Variants in SLC26A7 observed in about 807,000 individuals in gnomAD.
The protein encoded by SLC26A7 is anion exchange transporter.
SLC26A7 carries 59 observed loss-of-function variants against 82.5 expected under a neutral mutation model. The ratio of observed to expected loss-of-function variants is 0.72; its 90% CI spans 0.58 to 0.89. The LOEUF is 0.89. Ranked by LOEUF, SLC26A7 falls within the 40% of genes least tolerant of loss-of-function variation. The pLI, the probability that SLC26A7 is intolerant of heterozygous loss-of-function variation, is 0.00. For synonymous variants in SLC26A7, 271 were observed against 274.3 expected (o/e 0.99, Z 0.12); for missense variants, 820 against 793.0 (o/e 1.03, Z -0.41).
chr8:91,278,396 T>A (rs1811464371), intron 2 of SLC26A7, among the ~76,000 whole-genome samples: 1 of 152,320 alleles, frequency 6.6e-6, no homozygotes, highest in Non-Finnish European at 1.5e-5. Context: ...TAGAAAATGT[T>A]ACACAAATCA....
intron 2 of SLC26A7, among the ~76,000 whole-genome samples, chr8:91,228,356 A>G (rs1213619773): frequency 2.0e-5 from 3 of 152,240 alleles, no homozygotes; most frequent in Non-Finnish European, 4.4e-5. Flanking sequence ...GCGGAAGGCA[A>G]AGGATATATA....
intron 11 of SLC26A7, among the ~76,000 whole-genome samples, chr8:91,355,119 T>G (rs372572747): frequency 3.3e-5 from 5 of 152,226 alleles, no homozygotes; most frequent in African/African-American, 1.2e-4. Context: ...TCTTTAGGCA[T>G]TGAGGGGTAA....
At position 91,295,674 on chromosome 8, in the gene SLC26A7, G is replaced by T; in HGVS notation, c.448G>T (p.Ala150Ser). 1 of 1,614,052 alleles carries T rather than the reference G, an allele frequency of 6.2e-7. No homozygotes were observed. Among genetic ancestry groups the T allele is most frequent in the East Asian group, 2.2e-5 (1 of 44,882 alleles). ...AATGCAAAGGATCCACGTTGCTGCA[G>T]CAGTTTCCTTCTTGGGAGGTGTGAT... is the stretch of plus-strand genomic sequence containing the variant. ...FEMQRIHVAAAVSFLGGVIQV... is the reference protein window; with the variant it reads ...FEMQRIHVAASVSFLGGVIQV... Residue 150 changes from alanine (A) to serine (S), a missense_variant, in exon 4 of 19, where the codon GCA (alanine) becomes TCA (serine). Coordinates refer to ENST00000276609, the MANE Select transcript of SLC26A7 (RefSeq NM_052832.4).
intron 2 of SLC26A7, among the ~76,000 whole-genome samples, chr8:91,258,113 ATGGGGATTACAATTAAGGTGAGATTT>A (rs1290938481): frequency 6.6e-6 from 1 of 152,060 alleles, no homozygotes. Flanking sequence ...CATGGGGATT[ATGGGGATTACAATTAAGGTGAGATTT>A]TGGGGGGTCA....
intron 1 of SLC26A7, among the ~76,000 whole-genome samples, chr8:91,213,086 G>A (rs1216568281): frequency 6.6e-6 from 1 of 152,024 alleles, no homozygotes; most frequent in African/African-American, 2.4e-5. Context: ...GTTTTCTGAA[G>A]CTGTGTATCA....
chr8:91,376,369 T>G (rs367555456), intron 15 of SLC26A7, among the ~76,000 whole-genome samples: 11 of 152,206 alleles, frequency 7.2e-5, no homozygotes, highest in African/African-American at 1.9e-4. Flanking sequence ...TTGAATTTTA[T>G]ATAATTTGGA....
intron 15 of SLC26A7, among the ~76,000 whole-genome samples, chr8:91,385,939 C>T (rs1814787736): frequency 6.6e-6 from 1 of 152,146 alleles, no homozygotes; most frequent in African/African-American, 2.4e-5. Context: ...CTCTAAGTAA[C>T]ATATACACAG....
At chr8:91,230,502 C>G (rs1810297103) in intron 2 of SLC26A7, among the ~76,000 whole-genome samples, 1 of 152,212 alleles carries the variant, frequency 6.6e-6, no homozygotes, top group African/African-American at 2.4e-5. Flanking sequence ...AAAACAGTTT[C>G]TCCCAGATGG....
At chr8:91,221,978 A>C (rs537226543) in intron 2 of SLC26A7, among the ~76,000 whole-genome samples, 1 of 152,224 alleles carries the variant, frequency 6.6e-6, no homozygotes, top group Non-Finnish European at 1.5e-5. Context: ...GGCCATTTTC[A>C]TGATATTGAT....
At chr8:91,279,125 G>GTGTATATATATA (rs1382744780) in intron 2 of SLC26A7, among the ~76,000 whole-genome samples, 2 of 111,292 alleles carry the variant, frequency 1.8e-5, no homozygotes, top group African/African-American at 7.1e-5. Context: ...GTGTGTGTGT[G>GTGTATATATATA]TATATATATA....
chr8:91,296,535 G>T (rs374381939), intron 4 of SLC26A7, among the ~76,000 whole-genome samples: 34 of 152,172 alleles, frequency 2.2e-4, no homozygotes, highest in African/African-American at 7.5e-4. Flanking sequence ...TTGATGATTG[G>T]CTGGAATGAT....
At chr8:91,216,366 C>G (rs1810048274) in intron 1 of SLC26A7, among the ~76,000 whole-genome samples, 1 of 152,118 alleles carries the variant, frequency 6.6e-6, no homozygotes, top group Non-Finnish European at 1.5e-5. Context: ...ATAGAAAATG[C>G]CTTTAATACT....
intron 2 of SLC26A7, among the ~76,000 whole-genome samples, chr8:91,251,662 A>G (rs1238389605): frequency 2.0e-5 from 3 of 151,990 alleles, no homozygotes; most frequent in African/African-American, 7.2e-5. Flanking sequence ...GAATCCCAAG[A>G]CACAGCAGTC....
chr8:91,334,543 TCAG>T, intron 6 of SLC26A7, 96 bp downstream of exon 6: 1 of 1,080,482 alleles, frequency 9.3e-7, no homozygotes, highest in Non-Finnish European at 1.3e-6. Flanking sequence ...GTAGTAACCC[TCAG>T]CTACTCCTGT....
At chr8:91,359,731 A>G (rs986085611) in intron 11 of SLC26A7, among the ~76,000 whole-genome samples, 1 of 152,158 alleles carries the variant, frequency 6.6e-6, no homozygotes, top group African/African-American at 2.4e-5. Context: ...TCAAAGGATT[A>G]TTGGACTATT....
intron 15 of SLC26A7, among the ~76,000 whole-genome samples, chr8:91,384,622 G>T (rs1814750042): frequency 6.6e-6 from 1 of 152,016 alleles, no homozygotes; most frequent in Non-Finnish European, 1.5e-5. Flanking sequence ...TAATTTACTA[G>T]TTCAACTGAC....
chr8:91,291,096 A>C (rs1811855881), intron 3 of SLC26A7, among the ~76,000 whole-genome samples: 2 of 152,144 alleles, frequency 1.3e-5, no homozygotes, highest in Non-Finnish European at 2.9e-5. Flanking sequence ...TATATATTTA[A>C]GTTTGAGAAC....
chr8:91,318,418 T>C, intron 5 of SLC26A7, 38 bp downstream of exon 5: 1 of 1,495,578 alleles, frequency 6.7e-7, no homozygotes. Flanking sequence ...ATCTTTTGAA[T>C]GTGCAGGTTT....
At chr8:91,288,017 G>T (rs2130763894) in intron 2 of SLC26A7, among the ~76,000 whole-genome samples, 1 of 152,262 alleles carries the variant, frequency 6.6e-6, no homozygotes, top group Middle Eastern at 3.4e-3. Context: ...GAAAGGAGTG[G>T]TCATTGGTTA....
Sources: gnomAD v4.1 joint callset for allele counts (sites outside exome capture counted in the v4.1 genomes callset) on GRCh38, gnomAD v4.1.1 for gene constraint, MANE v1.5 for transcripts, NCBI Gene and HGNC (gene_info 2026-07-23, HGNC 2026-07-21) for gene names.